Variants in CASZ1 observed in about 807,000 individuals in gnomAD.
The protein encoded by CASZ1 is zinc finger protein castor homolog 1.
Under a neutral mutation model 135.2 loss-of-function variants are expected in CASZ1, and 28 were observed. The observed-to-expected ratio is 0.21, with a 90% CI of 0.15 to 0.28. The LOEUF (loss-of-function observed/expected upper bound fraction) is 0.28, where lower values mean the gene tolerates loss of function less well. CASZ1 is among the 10% of genes least tolerant of loss of function. The probability of loss-of-function intolerance (pLI) is 1.00; values close to 1 mark genes in which losing one functional copy is unlikely to be tolerated. For missense variants in CASZ1, 2,161 were observed against 2,453.3 expected, an observed-to-expected ratio of 0.88 and a Z score of 2.52; for synonymous variants, 1,068 against 1,073.4, an observed-to-expected ratio of 0.99 and a Z score of 0.10.
At chr1:10,680,265 C>T (rs1454893032) in intron 4 of CASZ1, among the ~76,000 whole-genome samples, 18 of 13,296 alleles carry the variant, frequency 1.4e-3, no homozygotes, top group African/African-American at 3.1e-3. Flanking sequence ...CTGGATGGCA[C>T]GGGGCGGGGC....
At chr1:10,690,109 T>C (rs1345118300) in intron 4 of CASZ1, among the ~76,000 whole-genome samples, 1 of 152,148 alleles carries the variant, frequency 6.6e-6, no homozygotes, top group African/African-American at 2.4e-5. Flanking sequence ...AGGAAGGAAA[T>C]TGAGAGCAAT....
At chr1:10,751,535 T>G (rs548224646) in intron 2 of CASZ1, among the ~76,000 whole-genome samples, 2 of 152,350 alleles carry the variant, frequency 1.3e-5, no homozygotes, top group East Asian at 3.9e-4. Flanking sequence ...TTGCTTTTAA[T>G]GCCATTTGGG....
intron 1 of CASZ1, among the ~76,000 whole-genome samples, chr1:10,775,407 A>G (rs1440474589): frequency 6.6e-6 from 1 of 151,390 alleles, no homozygotes; most frequent in Non-Finnish European, 1.5e-5. Context: ...TTTTGGATTC[A>G]TGGACACTAC....
rs376964 is a variant in CASZ1 at position 10,777,642 on chromosome 1, T to G, written c.-233-16785A>C. 6.6e-6 allele frequency among the ~76,000 whole-genome samples: 1 copy of G among 150,740 alleles called. No homozygotes were observed. The highest frequency in any genetic ancestry group is 1.5e-5 in the Non-Finnish European group (1 of 67,580). On this transcript the variant is annotated intron_variant, in intron 1 of 20. Coordinates refer to ENST00000377022, the MANE Select transcript of CASZ1 (RefSeq NM_001079843.3). This position sits in a 1 kb window ranked among gnomAD's most constrained non-coding sequence, Gnocchi z 4.4. The stretch of plus-strand genomic sequence containing the variant: ...CAAACACAATCTCATACACAACCAC[T>G]TACACTCATTTTCACACACAACCAC...
intron 2 of CASZ1, among the ~76,000 whole-genome samples, chr1:10,743,181 G>A (rs1639958909): frequency 1.3e-5 from 2 of 152,214 alleles, no homozygotes; most frequent in South Asian, 4.1e-4. Context: ...CAGAGGCTGG[G>A]GGACAGGAGG....
intron 2 of CASZ1, among the ~76,000 whole-genome samples, chr1:10,744,758 C>T (rs944596996): frequency 6.6e-6 from 1 of 152,130 alleles, no homozygotes; most frequent in Non-Finnish European, 1.5e-5. Flanking sequence ...CCCAGATGGG[C>T]GGGCAAGGAC....
rs1037669045 is a variant in CASZ1 at position 10,666,025 on chromosome 1, T to C, written c.17-454A>G. ...CAGCGTGGCATTCCTGGCAGCTTGT[T>C]CCGCTTGGGAGCGTCCTGCCTTACC... On this transcript the variant is annotated intron_variant, in intron 4 of 20. Coordinates refer to ENST00000377022, the MANE Select transcript of CASZ1 (RefSeq NM_001079843.3). The surrounding 1 kb of genome is among the most constrained non-coding windows in gnomAD (Gnocchi z 5.2). Among the ~76,000 whole-genome samples the C allele has an allele frequency of 2.6e-5, 4 of 152,120 alleles. No homozygotes were observed. The highest frequency in any genetic ancestry group is 5.9e-5 in the Non-Finnish European group (4 of 68,014).
At chr1:10,675,151 C>A (rs896344771) in intron 4 of CASZ1, among the ~76,000 whole-genome samples, 5 of 152,236 alleles carry the variant, frequency 3.3e-5, no homozygotes, top group Non-Finnish European at 5.9e-5. Context: ...GCAGGTCCCC[C>A]CTCCTGACGA....
intron 9 of CASZ1, among the ~76,000 whole-genome samples, chr1:10,654,994 T>TG (rs1343816046): frequency 6.6e-6 from 1 of 152,190 alleles, no homozygotes; most frequent in Non-Finnish European, 1.5e-5. Flanking sequence ...CCCAGGGATT[T>TG]GCTTAGTGGA....
intron 4 of CASZ1, among the ~76,000 whole-genome samples, chr1:10,680,891 A>T (rs1471186128): frequency 6.6e-6 from 1 of 151,978 alleles, no homozygotes; most frequent in Non-Finnish European, 1.5e-5. Context: ...CCTCACCCCC[A>T]TCTTTCTTTC....
chr1:10,646,443 G>GT lies in CASZ1; in HGVS notation c.3498-118_3498-117insA. 4.3e-6 allele frequency: 4 copies of GT among 933,718 alleles called. No individual in the cohort carries two copies. Among genetic ancestry groups the GT allele is most frequent in the Non-Finnish European group, 6.7e-6 (4 of 601,170 alleles). The allele number at this position is 933,718 out of a possible 1,614,324, so 57.8% of individuals were successfully genotyped here. A position where few individuals can be genotyped will look rare whatever the true frequency, so the allele number is the denominator to read the frequency against. On this transcript the variant is annotated intron_variant, in intron 16 of 20. Transcript: ENST00000377022. This position sits in a 1 kb window ranked among gnomAD's most constrained non-coding sequence, Gnocchi z 6.4. Reference sequence around the variant, plus strand: ...CACGACCAGCGGTACCACCAAGAGGGATGGCCTGGGCTGCTGTCCTGCTCA... The same window carrying GT: ...CACGACCAGCGGTACCACCAAGAGGGTATGGCCTGGGCTGCTGTCCTGCTCA...
At chr1:10,693,590 C>T (rs901696987) in intron 4 of CASZ1, among the ~76,000 whole-genome samples, 1 of 149,918 alleles carries the variant, frequency 6.7e-6, no homozygotes, top group African/African-American at 2.5e-5. Flanking sequence ...CCCACAAAAA[C>T]CCCCTAAATC....
chr1:10,705,415 A>G (rs1192892831), intron 3 of CASZ1, 77 bp downstream of exon 3: 1 of 152,328 alleles, frequency 6.6e-6, no homozygotes, highest in African/African-American at 2.4e-5. Flanking sequence ...AAGCCAGCCC[A>G]GGGTGACACG....
chr1:10,663,840 GC>G (rs1215620102), intron 5 of CASZ1, among the ~76,000 whole-genome samples: 4 of 152,214 alleles, frequency 2.6e-5, no homozygotes, highest in African/African-American at 9.7e-5. Flanking sequence ...GCCCGCCTCT[GC>G]CAGCCCCGCT....
chr1:10,672,477 C>CGCCCGCCG (rs1230135790), intron 4 of CASZ1, among the ~76,000 whole-genome samples: 1 of 151,450 alleles, frequency 6.6e-6, no homozygotes, highest in Non-Finnish European at 1.5e-5. Flanking sequence ...TCCAGCCCTC[C>CGCCCGCCG]GCCCGCCGGC....
intron 1 of CASZ1, among the ~76,000 whole-genome samples, chr1:10,769,176 G>A (rs1258961665): frequency 6.6e-6 from 1 of 152,114 alleles, no homozygotes. Context: ...GCCAGTAAGA[G>A]AATGTGATTC....
chr1:10,738,888 T>TC (rs1639855161), intron 2 of CASZ1, among the ~76,000 whole-genome samples: 1 of 151,612 alleles, frequency 6.6e-6, no homozygotes, highest in Non-Finnish European at 1.5e-5. Context: ...CATTTTTTTT[T>TC]TCCAAAAAAC....
chr1:10,728,087 G>A (rs1260102837), intron 2 of CASZ1, among the ~76,000 whole-genome samples: 1 of 152,228 alleles, frequency 6.6e-6, no homozygotes, highest in African/African-American at 2.4e-5. Flanking sequence ...ACATGGCACT[G>A]GGTATGGGGC....
Position 10,766,549 on chromosome 1 carries a change from C to T in CASZ1, c.-233-5692G>A, listed in dbSNP as rs143821429. Reference sequence around the variant, plus strand: ...AACCAAAGCCTCAGGTGCTTCTGGCCGGGCTGAAAGGTGGGGGAAGGTGAA... The same window carrying T: ...AACCAAAGCCTCAGGTGCTTCTGGCTGGGCTGAAAGGTGGGGGAAGGTGAA... On this transcript the variant is annotated intron_variant, in intron 1 of 20. Transcript: ENST00000377022. 6.2e-4 allele frequency among the ~76,000 whole-genome samples: 94 copies of T among 152,270 alleles called. 2 individuals are homozygous for T. The East Asian group carries it at 0.017, about 28-fold the overall frequency.
Sources: gnomAD v4.1 joint callset for allele counts (sites outside exome capture counted in the v4.1 genomes callset) on GRCh38, gnomAD v4.1.1 for gene constraint, Gnocchi (gnomAD v3.1) non-coding constraint, MANE v1.5 for transcripts, NCBI Gene and HGNC (gene_info 2026-07-23, HGNC 2026-07-21) for gene names.